VTI1A: variants seen among roughly 807,000 people sequenced by gnomAD.
VTI1A encodes vesicle transport through interaction with t-SNAREs 1A.
A neutral mutation model predicts 34.9 loss-of-function variants in VTI1A; 22 were observed. The ratio of observed to expected loss-of-function variants is 0.63; its 90% CI spans 0.45 to 0.90. VTI1A has a LOEUF of 0.90. Among genes scored for constraint, VTI1A ranks in the 40% least tolerant of loss-of-function variants. The pLI is 0.00. For synonymous variants in VTI1A, 87 were observed against 97.3 expected (o/e 0.89, Z 0.62); for missense variants, 268 against 275.6 (o/e 0.97, Z 0.20).
intron 7 of VTI1A, among the ~76,000 whole-genome samples, chr10:112,693,371 AC>A (rs1848670859): frequency 6.6e-6 from 1 of 151,932 alleles, no homozygotes; most frequent in Non-Finnish European, 1.5e-5. Context: ...GCATGGTGAA[AC>A]CCCATCTCTA....
At chr10:112,492,285 ACT>A (rs1230485594) in intron 3 of VTI1A, among the ~76,000 whole-genome samples, 11 of 152,284 alleles carry the variant, frequency 7.2e-5, no homozygotes, top group African/African-American at 2.6e-4. Flanking sequence ...ATTTGTGGAC[ACT>A]CTGAAGTGTT....
chr10:112,712,474 T>TCACACACACACACACACACACACA (rs60129148), intron 7 of VTI1A, among the ~76,000 whole-genome samples: 8 of 143,406 alleles, frequency 5.6e-5, no homozygotes, highest in African/African-American at 1.8e-4. Context: ...TCAACTATTA[T>TCACACACACACACACACACACACA]CACACACACA....
intron 5 of VTI1A, among the ~76,000 whole-genome samples, chr10:112,618,078 C>T (rs372213783): frequency 1.3e-5 from 2 of 152,070 alleles, no homozygotes; most frequent in South Asian, 2.1e-4. Flanking sequence ...CACTTGAACC[C>T]GGGAGGCGGA....
chr10:112,487,739 T>C (rs1374772948), intron 3 of VTI1A, among the ~76,000 whole-genome samples: 1 of 152,220 alleles, frequency 6.6e-6, no homozygotes, highest in African/African-American at 2.4e-5. Flanking sequence ...TCTTTCTGGC[T>C]GATGCCATCC....
At chr10:112,548,615 TA>T in intron 5 of VTI1A, 1 of 947,514 alleles carries the variant, frequency 1.1e-6, no homozygotes, top group Non-Finnish European at 1.7e-6. Context: ...GAATAATGAA[TA>T]AGATAATATT....
chr10:112,447,280 T>C lies in VTI1A; in HGVS notation c.-94T>C. 7.2e-7 allele frequency: 1 copy of C among 1,397,248 alleles called. No homozygotes were observed. Among genetic ancestry groups the C allele is most frequent in the Non-Finnish European group, 9.8e-7 (1 of 1,020,880 alleles). The allele number at this position is 1,397,248 out of a possible 1,614,324, so 86.6% of individuals were successfully genotyped here. A position where few individuals can be genotyped will look rare whatever the true frequency, so the allele number is the denominator to read the frequency against. Reference sequence around the variant, plus strand: ...TCTCCGTTCTGCTCTCGGGGGCACCTTCCGGGGTTCCTAAGCCGCGGGGCC... The same window carrying C: ...TCTCCGTTCTGCTCTCGGGGGCACCCTCCGGGGTTCCTAAGCCGCGGGGCC... On this transcript the variant is annotated 5_prime_UTR_variant, in exon 1 of 8. Coordinates refer to ENST00000393077, the MANE Select transcript of VTI1A (RefSeq NM_145206.4).
intron 7 of VTI1A, among the ~76,000 whole-genome samples, chr10:112,775,093 G>A (rs115260360): frequency 1.3e-5 from 2 of 152,328 alleles, no homozygotes; most frequent in African/African-American, 2.4e-5. Context: ...GTTGGGTCTT[G>A]TGACTCTGCT....
At chr10:112,601,010 G>GT (rs1190383865) in intron 5 of VTI1A, among the ~76,000 whole-genome samples, 2 of 152,192 alleles carry the variant, frequency 1.3e-5, no homozygotes, top group African/African-American at 4.8e-5. Context: ...GGACTGACAG[G>GT]TGTAAGTTGT....
intron 7 of VTI1A, among the ~76,000 whole-genome samples, chr10:112,758,047 A>T (rs1851346860): frequency 6.6e-6 from 1 of 152,204 alleles, no homozygotes; most frequent in African/African-American, 2.4e-5. Context: ...ATTGTCATTT[A>T]TTTCAATCTG....
chr10:112,680,922 G>C (rs571382686), intron 7 of VTI1A, among the ~76,000 whole-genome samples: 1 of 152,268 alleles, frequency 6.6e-6, no homozygotes, highest in African/African-American at 2.4e-5. Context: ...AGTGGTGATG[G>C]TGTTGGGGTG....
chr10:112,573,411 A>G (rs1002972077), intron 5 of VTI1A, among the ~76,000 whole-genome samples: 5 of 151,426 alleles, frequency 3.3e-5, no homozygotes, highest in African/African-American at 1.2e-4. Context: ...GTTTATTAGG[A>G]AAAAAAAACC....
intron 5 of VTI1A, among the ~76,000 whole-genome samples, chr10:112,567,053 A>C (rs1851929398): frequency 6.7e-6 from 1 of 150,026 alleles, no homozygotes; most frequent in Non-Finnish European, 1.5e-5. Context: ...TTATTTAGAC[A>C]GAGTATCATT....
intron 5 of VTI1A, among the ~76,000 whole-genome samples, chr10:112,652,726 C>CAAAAAAAAA (rs779424975): frequency 4.7e-5 from 5 of 106,414 alleles, no homozygotes; most frequent in Admixed American, 1.1e-4. Context: ...GACCTTGTCT[C>CAAAAAAAAA]AAAAAAAAAA....
intron 3 of VTI1A, among the ~76,000 whole-genome samples, chr10:112,472,264 G>A (rs1191003104): frequency 6.6e-6 from 1 of 152,134 alleles, no homozygotes; most frequent in Admixed American, 6.5e-5. Context: ...TGTTTGGCAG[G>A]CTATGTGATG....
chr10:112,584,564 A>G (rs1844076045), intron 5 of VTI1A, among the ~76,000 whole-genome samples: 1 of 152,204 alleles, frequency 6.6e-6, no homozygotes, highest in Non-Finnish European at 1.5e-5. Flanking sequence ...CATTGGAAGC[A>G]GCAGCTTCCT....
the VTI1A span, among the ~76,000 whole-genome samples, chr10:112,835,800 T>G: frequency 2.6e-5 from 4 of 152,114 alleles, no homozygotes; most frequent in African/African-American, 9.7e-5. Flanking sequence ...AGTTAAAACC[T>G]CATTAAAAAA....
Position 112,815,415 on chromosome 10 carries a change from A to T in VTI1A, c.*32A>T. 6.4e-7 allele frequency: 1 copy of T among 1,566,990 alleles called. No individual in the cohort carries two copies. Among genetic ancestry groups the T allele is most frequent in the East Asian group, 2.2e-5 (1 of 44,608 alleles). ...TGCTCTCCCTTGATAAACAGCAACA[A>T]CAGCTTGTTCTGAGTAATTAAGACA... On this transcript the variant is annotated 3_prime_UTR_variant, in exon 8 of 8. Coordinates refer to ENST00000393077, the MANE Select transcript of VTI1A (RefSeq NM_145206.4).
rs894252680 is a variant in VTI1A, at chr10:112,547,460, C to T, written c.427+9130C>T. ...GGCGTGGTGGTTACATGCATGTAAT[C>T]CCAGCTGCTTGGGAGGCTGAGGCAG... is the stretch of plus-strand genomic sequence containing the variant. On this transcript the variant is annotated intron_variant, in intron 5 of 7. Transcript: ENST00000393077. Among the ~76,000 whole-genome samples, 3 of 152,074 alleles carry T rather than the reference C, an allele frequency of 2.0e-5. 1 individual carries two copies. The highest frequency in any genetic ancestry group is 1.3e-4 in the Admixed American group (2 of 15,274).
In VTI1A at chr10:112,464,552, A is replaced by G. The variant is rs1159754557; in HGVS notation, c.159A>G (p.Glu53=). ...KQLEEAKELL[E]QMDLEVREIP... ...TTTTTCTTTCCCTCTTCTAGCTTGAACAGATGGATTTGGAAGTCCGAGAGA... is the reference window on the plus strand; with the variant it reads ...TTTTTCTTTCCCTCTTCTAGCTTGAGCAGATGGATTTGGAAGTCCGAGAGA... Residue 53 remains glutamate, a synonymous_variant, in exon 3 of 8, where the codon GAA becomes GAG. Coordinates refer to ENST00000393077, the MANE Select transcript of VTI1A (RefSeq NM_145206.4). 6.2e-7 allele frequency: 1 copy of G among 1,611,806 alleles called. No homozygotes were observed.
Sources: gnomAD v4.1 joint callset for allele counts (sites outside exome capture counted in the v4.1 genomes callset) on GRCh38, gnomAD v4.1.1 for gene constraint, MANE v1.5 for transcripts, NCBI Gene and HGNC (gene_info 2026-07-23, HGNC 2026-07-21) for gene names.